The following ALAD variants were observed in gnomAD, a reference collection of about 807,000 sequenced individuals.
ALAD encodes the protein aminolevulinate dehydratase.
ALAD carries 20 observed loss-of-function variants against 44.4 expected under a neutral mutation model. The ratio of observed to expected loss-of-function variants is 0.45; its 90% CI spans 0.32 to 0.65. The LOEUF is 0.65. Among genes scored for constraint, ALAD ranks in the 30% least tolerant of loss-of-function variants. The pLI, the probability that ALAD is intolerant of heterozygous loss-of-function variation, is 0.05. For missense variants in ALAD, 323 were observed against 445.7 expected, an observed-to-expected ratio of 0.72 and a Z score of 2.48; for synonymous variants, 156 against 167.9, an observed-to-expected ratio of 0.93 and a Z score of 0.55.
intron 1 of ALAD, among the ~76,000 whole-genome samples, chr9:113,399,653 C>T (rs961094089): frequency 3.9e-5 from 6 of 152,254 alleles, no homozygotes; most frequent in Non-Finnish European, 5.9e-5. Context: ...GGCAACATCC[C>T]CAAACTGGGA....
chr9:113,393,179 C>CTTCT (rs1827641562), intron 2 of ALAD: 9 of 516,868 alleles, frequency 1.7e-5, no homozygotes, highest in South Asian at 1.6e-4. Context: ...ACCTTCTCAG[C>CTTCT]TTCTGTCTTA....
At position 113,393,497 on chromosome 9, in the gene ALAD, T is replaced by C. The variant is rs373646470; in HGVS notation, c.63A>G (p.Thr21=). 25 of 1,609,314 alleles carry C rather than the reference T, an allele frequency of 1.6e-5. No individual in the cohort carries two copies. Among genetic ancestry groups the C allele is most frequent in the African/African-American group, 5.3e-5 (4 of 74,890 alleles). Reference sequence around the variant, plus strand: ...TGGAGGCATTGAGGGTGGTGGTGGCTGTCTGCCAGGCCCGAAGTAGTGGGT... The same window carrying C: ...TGGAGGCATTGAGGGTGGTGGTGGCCGTCTGCCAGGCCCGAAGTAGTGGGT... ...YFHPLLRAWQ[T]ATTTLNASNL... is the part of the protein sequence containing the mutation. The change falls in exon 2 of 12, where the codon ACA becomes ACG. Residue 21 remains threonine (T), a synonymous_variant. Coordinates refer to ENST00000409155, the MANE Select transcript of ALAD (RefSeq NM_000031.6).
intron 2 of ALAD, 114 bp from the exon 3 acceptor site, chr9:113,392,283 G>A: frequency 1.3e-6 from 2 of 1,593,506 alleles, no homozygotes; most frequent in Non-Finnish European, 1.7e-6. Flanking sequence ...TGGAGATGGT[G>A]GGAGGAGGAT....
chr9:113,388,446 G>T, intron 11 of ALAD, 85 bp from the exon 12 acceptor site: 2 of 1,289,608 alleles, frequency 1.6e-6, no homozygotes, highest in Non-Finnish European at 1.1e-6. Flanking sequence ...GCCAGGCGGG[G>T]AAGAAGGCTA....
chr9:113,400,915 C>A (rs896380905), intron 1 of ALAD, among the ~76,000 whole-genome samples: 1 of 152,228 alleles, frequency 6.6e-6, no homozygotes, highest in Admixed American at 6.5e-5. Flanking sequence ...CCTACCCCCC[C>A]ACCAACCACC....
In ALAD at chr9:113,389,455, G is replaced by T. The variant is rs777485356; in HGVS notation, c.784C>A (p.Arg262=). 7 of 1,613,614 alleles carry T rather than the reference G, an allele frequency of 4.3e-6. No homozygotes were observed. The highest frequency in any genetic ancestry group is 5.1e-6 in the Non-Finnish European group (6 of 1,180,026). Residue 262 remains arginine (R), a synonymous_variant, in exon 10 of 12, where the codon CGG becomes AGG. Coordinates refer to ENST00000409155, the MANE Select transcript of ALAD (RefSeq NM_000031.6). Reference sequence around the variant, plus strand: ...GTGCTCACCTTGTCCTTTACCTCCCGCACGATGTCCAGGTAGGGCATTCCC... The same window carrying T: ...GTGCTCACCTTGTCCTTTACCTCCCTCACGATGTCCAGGTAGGGCATTCCC... ...KPGMPYLDIV[R]EVKDKHPDLP... is the part of the protein sequence containing the mutation.
chr9:113,392,683 G>A (rs760895497), intron 2 of ALAD: 3 of 164,240 alleles, frequency 1.8e-5, no homozygotes, highest in African/African-American at 4.8e-5. Context: ...CTAGAGGATA[G>A]CTACTCCTTC....
At position 113,399,457 on chromosome 9, in the gene ALAD, C is replaced by T. The variant is rs114248121; in HGVS notation, c.-76+1755G>A. Among the ~76,000 whole-genome samples the T allele has an allele frequency of 5.8e-3, 882 of 152,292 alleles. 5 individuals are homozygous for T. The highest frequency in any genetic ancestry group is 0.02 in the African/African-American group (843 of 41,552). ...CAAGATTTCTGAAGTGGAGTCCCTG[C>T]CTTCCAGCAGGTTATGTGGTGGAGG... On this transcript the variant is annotated intron_variant, in intron 1 of 11. Transcript: ENST00000409155.
intron 11 of ALAD, 109 bp downstream of exon 11, chr9:113,388,868 A>C: frequency 6.5e-7 from 1 of 1,528,634 alleles, no homozygotes; most frequent in Non-Finnish European, 9.0e-7. Context: ...GATCACTAGT[A>C]ATTCCCGGAA....
Position 113,398,833 on chromosome 9 carries a change from A to G in ALAD, c.-76+2379T>C, listed in dbSNP as rs535321461. On this transcript the variant is annotated intron_variant, in intron 1 of 11. Coordinates refer to ENST00000409155, the MANE Select transcript of ALAD (RefSeq NM_000031.6). ...CTTAATAAGTGGAGTTTCCCACTCC[A>G]TTCTGTGAGTGGGAAAACACCCCCT... Among the ~76,000 whole-genome samples the G allele has an allele frequency of 2.6e-5, 4 of 152,262 alleles. No individual in the cohort carries two copies. In the South Asian group the frequency reaches 8.3e-4, roughly 32 times the overall value.
chr9:113,400,493 G>T (rs889443380), intron 1 of ALAD, among the ~76,000 whole-genome samples: 4 of 152,158 alleles, frequency 2.6e-5, no homozygotes, highest in Non-Finnish European at 5.9e-5. Context: ...TTAGTAAATG[G>T]GGACTAGAAC....
In ALAD at chr9:113,388,026, C is replaced by A. The variant is rs569478025; in HGVS notation, c.*274G>T. 1.4e-5 allele frequency: 7 copies of A among 494,904 alleles called. No homozygotes were observed. The highest frequency in any genetic ancestry group is 1.4e-4 in the South Asian group (7 of 49,610). 30.7% of individuals were successfully genotyped at this position (494,904 alleles called of 1,614,324 possible). On this transcript the variant is annotated 3_prime_UTR_variant, in exon 12 of 12. Coordinates refer to ENST00000409155, the MANE Select transcript of ALAD (RefSeq NM_000031.6). ...CCAGGTTGCTTTCAAGCTGAAGCCACACCAGAGGAAAGAGCTGAGGGTGGC... is the reference window on the plus strand; with the variant it reads ...CCAGGTTGCTTTCAAGCTGAAGCCAAACCAGAGGAAAGAGCTGAGGGTGGC...
At position 113,389,645 on chromosome 9, in the gene ALAD, C is replaced by T. The variant is rs781646677; in HGVS notation, c.668G>A (p.Cys223Tyr). Residue 223 changes from cysteine to tyrosine, a missense_variant, in exon 9 of 12, where the codon TGC becomes TAC. Coordinates refer to ENST00000409155, the MANE Select transcript of ALAD (RefSeq NM_000031.6). ...TCGTGCTCCAGGGGGCAGCTGGTAG[C>T]AGCGGCGGTCCCCAAAAGCTGGGCT... Reference protein sequence around the residue: ...KSSPAFGDRRCYQLPPGARGL... With the variant: ...KSSPAFGDRRYYQLPPGARGL... The T allele has an allele frequency of 6.8e-6, 11 of 1,614,084 alleles. No homozygotes were observed. In the South Asian group the frequency reaches 1.2e-4, roughly 18 times the overall value.
In ALAD at chr9:113,386,420, C is replaced by CATG. The variant is rs1805291941; in HGVS notation, c.*1877_*1879dup. 6.6e-6 allele frequency: 1 copy of CATG among 152,096 alleles called. No individual in the cohort carries two copies. Among genetic ancestry groups the CATG allele is most frequent in the South Asian group, 2.1e-4 (1 of 4,816 alleles). The allele number at this position is 152,096 out of a possible 1,614,324, so 9.4% of individuals were successfully genotyped here. ...TGTAGGCTAATGTAAGTGTTCTGAGCATGTTTAAGGCAGGCTAGGCTAAGC... is the reference window on the plus strand; with the variant it reads ...TGTAGGCTAATGTAAGTGTTCTGAGCATGATGTTTAAGGCAGGCTAGGCTAAGC... On this transcript the variant is annotated 3_prime_UTR_variant, in exon 12 of 12. Coordinates refer to ENST00000409155, the MANE Select transcript of ALAD (RefSeq NM_000031.6).
rs903265981 is a variant in ALAD at position 113,389,429 on chromosome 9, T to C, written c.801+9A>G. On this transcript the variant is annotated intron_variant, in intron 10 of 11. Coordinates refer to ENST00000409155, the MANE Select transcript of ALAD (RefSeq NM_000031.6). Reference sequence around the variant, plus strand: ...CCCTGAGCCCCCTTTGCCTCGTACCTGTGCTCACCTTGTCCTTTACCTCCC... The same window carrying C: ...CCCTGAGCCCCCTTTGCCTCGTACCCGTGCTCACCTTGTCCTTTACCTCCC... 4 of 1,612,844 alleles carry C rather than the reference T, an allele frequency of 2.5e-6. No individual in the cohort carries two copies. Among genetic ancestry groups the C allele is most frequent in the Non-Finnish European group, 2.5e-6 (3 of 1,180,006 alleles).
intron 3 of ALAD, 50 bp from the exon 4 acceptor site, chr9:113,391,673 G>A (rs748364562): frequency 1.2e-5 from 18 of 1,465,016 alleles, no homozygotes; most frequent in African/African-American, 9.7e-5. Flanking sequence ...CCCAGGCAAC[G>A]GTCCTCCGGA....
In ALAD at chr9:113,387,871, A is replaced by T; in HGVS notation, c.*429T>A. On this transcript the variant is annotated 3_prime_UTR_variant, in exon 12 of 12. Transcript: ENST00000409155. ...ACCCAGGGATATCGATCTAGGCCTC[A>T]TTCCCACACCCAGCTCTGCTGCCAG... is the stretch of plus-strand genomic sequence containing the variant. The T allele has an allele frequency of 3.5e-6, 1 of 282,318 alleles. No homozygotes were observed. Among genetic ancestry groups the T allele is most frequent in the South Asian group, 3.7e-5 (1 of 26,726 alleles). 17.5% of individuals were successfully genotyped at this position (282,318 alleles called of 1,614,324 possible).
rs769936286 is a variant in ALAD, at chr9:113,391,521, C to G, written c.261+6G>C. Reference sequence around the variant, plus strand: ...TCCCTTCTTAGCCCTTCCTTTGATTCTTCACCTTGGGAACTCTGCTGGGGA... The same window carrying G: ...TCCCTTCTTAGCCCTTCCTTTGATTGTTCACCTTGGGAACTCTGCTGGGGA... On this transcript the variant is annotated splice_donor_region_variant and intron_variant, in intron 4 of 11. Coordinates refer to ENST00000409155, the MANE Select transcript of ALAD (RefSeq NM_000031.6). 1.9e-5 allele frequency: 30 copies of G among 1,613,594 alleles called. No homozygotes were observed. Among genetic ancestry groups the G allele is most frequent in the African/African-American group, 1.3e-5 (1 of 74,920 alleles).
Position 113,390,407 on chromosome 9 carries a change from T to C in ALAD, c.568A>G (p.Arg190Gly), listed in dbSNP as rs1258532346. The C allele has an allele frequency of 5.0e-6, 8 of 1,613,924 alleles. No homozygotes were observed. Among genetic ancestry groups the C allele is most frequent in the Non-Finnish European group, 6.8e-6 (8 of 1,179,970 alleles). Reference protein sequence around the residue: ...EALMAHGLGNRVSVMSYSAKF... With the variant: ...EALMAHGLGNGVSVMSYSAKF... ...TGTGCTGCATTCCCTGCCCTTACCC[T>C]GTTGCCAAGTCCATGTGCCATCAGG... Residue 190 changes from arginine (R) to glycine (G), a missense_variant and splice_region_variant, in exon 7 of 12, where the codon AGG (arginine) becomes GGG (glycine). Physicochemically the swap from Arg to Gly is moderately radical, Grantham distance 125. Transcript: ENST00000409155.
Sources: gnomAD v4.1 joint callset for allele counts (sites outside exome capture counted in the v4.1 genomes callset) on GRCh38, gnomAD v4.1.1 for gene constraint, MANE v1.5 for transcripts, NCBI Gene and HGNC (gene_info 2026-07-23, HGNC 2026-07-21) for gene names.